Variants in CYRIB observed in about 807,000 individuals in gnomAD.
The protein encoded by CYRIB is CYFIP related Rac1 interactor B.
In CYRIB, 8 loss-of-function variants were observed where a neutral mutation model predicts 44.2. The observed-to-expected ratio is 0.18, with a 90% CI of 0.11 to 0.33. The LOEUF (loss-of-function observed/expected upper bound fraction) is 0.33. Among genes scored for constraint, CYRIB ranks in the 10% least tolerant of loss-of-function variants. CYRIB has a pLI of 1.00. For synonymous variants in CYRIB, 131 were observed against 127.2 expected (o/e 1.03, Z -0.20); for missense variants, 185 against 382.8 (o/e 0.48, Z 4.31).
At chr8:129,853,063 G>A (rs1467646203) in intron 7 of CYRIB, among the ~76,000 whole-genome samples, 1 of 152,136 alleles carries the variant, frequency 6.6e-6, no homozygotes, top group Non-Finnish European at 1.5e-5. Flanking sequence ...TGGGAATTAG[G>A]CTCTCTGTTG....
intron 3 of CYRIB, among the ~76,000 whole-genome samples, chr8:129,875,403 G>A (rs1370271188): frequency 6.6e-6 from 1 of 151,730 alleles, no homozygotes; most frequent in East Asian, 1.9e-4. Flanking sequence ...TACAGATAGA[G>A]TCTTGCCATG....
intron 2 of CYRIB, among the ~76,000 whole-genome samples, chr8:129,959,128 G>T (rs188370816): frequency 2.1e-3 from 303 of 144,780 alleles, no homozygotes; most frequent in Non-Finnish European, 3.5e-3. Flanking sequence ...GAAATGAAAA[G>T]CAGTAACTAC....
intron 2 of CYRIB, among the ~76,000 whole-genome samples, chr8:129,887,315 A>C (rs2063176661): frequency 6.6e-6 from 1 of 152,202 alleles, no homozygotes; most frequent in Non-Finnish European, 1.5e-5. Context: ...GATGGGTGTT[A>C]GGCCTGCAGG....
At chr8:129,929,122 G>C (rs760465925) in intron 1 of CYRIB, among the ~76,000 whole-genome samples, 3 of 152,142 alleles carry the variant, frequency 2.0e-5, no homozygotes, top group Non-Finnish European at 4.4e-5. Context: ...ACAAATTACT[G>C]ATACACTCAA....
chr8:129,933,650 G>C (rs1441464606), intron 1 of CYRIB, among the ~76,000 whole-genome samples: 1 of 152,110 alleles, frequency 6.6e-6, no homozygotes, highest in Admixed American at 6.5e-5. Context: ...GGCCGAGGCG[G>C]GCTGATCACT....
At chr8:129,963,554 C>A (rs1308208945) in intron 2 of CYRIB, among the ~76,000 whole-genome samples, 1 of 152,200 alleles carries the variant, frequency 6.6e-6, no homozygotes, top group Admixed American at 6.5e-5. Flanking sequence ...CCAGGAAGGC[C>A]TCACAGAGCA....
intron 1 of CYRIB, among the ~76,000 whole-genome samples, chr8:129,920,164 C>A (rs950666436): frequency 1.3e-5 from 2 of 150,852 alleles, no homozygotes; most frequent in Non-Finnish European, 3.0e-5. Flanking sequence ...ATGTAGTAAA[C>A]CTTTATCTTT....
chr8:129,920,705 T>C (rs2083101780), intron 1 of CYRIB, among the ~76,000 whole-genome samples: 1 of 152,182 alleles, frequency 6.6e-6, no homozygotes, highest in African/African-American at 2.4e-5. Context: ...CTGGATGTTT[T>C]ACCTTCTGCT....
intron 1 of CYRIB, among the ~76,000 whole-genome samples, chr8:129,984,468 C>T (rs1299627882): frequency 6.6e-6 from 1 of 152,062 alleles, no homozygotes; most frequent in Non-Finnish European, 1.5e-5. Context: ...GGAAAGAAGC[C>T]GGCTCAGAGA....
chr8:129,991,245 G>C (rs1240537414), intron 1 of CYRIB, among the ~76,000 whole-genome samples: 2 of 151,694 alleles, frequency 1.3e-5, no homozygotes, highest in African/African-American at 4.8e-5. Flanking sequence ...CCCTAACACA[G>C]TGCCTGCCTG....
chr8:129,841,926 C>T (rs768080103), exon 12 of CYRIB: 4 of 480,160 alleles, frequency 8.3e-6, no homozygotes, highest in African/African-American at 3.9e-5. Flanking sequence ...TTAGATGGCC[C>T]GTTTGAAAGG....
At position 129,927,197 on chromosome 8, in the gene CYRIB, C is replaced by A. The variant is rs191578922; in HGVS notation, c.-50+12411G>T. Among the ~76,000 whole-genome samples, 353 of 152,218 alleles carry A rather than the reference C, an allele frequency of 2.3e-3. 3 individuals are homozygous for A. Among genetic ancestry groups the A allele is most frequent in the African/African-American group, 8.0e-3 (334 of 41,528 alleles). ...ATCCCAGCTACTTGGGAGGCTGAGG[C>A]AGGAGAATCGCTTGAACCCAGGAGG... On this transcript the variant is annotated intron_variant, in intron 1 of 11. Coordinates refer to ENST00000519824, the Ensembl canonical transcript of CYRIB.
intron 5 of CYRIB, among the ~76,000 whole-genome samples, chr8:129,859,264 T>G (rs765682191): frequency 2.0e-5 from 3 of 152,178 alleles, no homozygotes; most frequent in Non-Finnish European, 2.9e-5. Context: ...TATCAGGGAC[T>G]TTTAGTACTT....
chr8:129,973,348 G>A (rs2095791061), intron 1 of CYRIB, among the ~76,000 whole-genome samples: 1 of 152,232 alleles, frequency 6.6e-6, no homozygotes. Flanking sequence ...GCAAAGGCTG[G>A]CAAGTTAGAC....
At chr8:129,847,054 T>C (rs1051268780) in intron 10 of CYRIB, 180 bp from the exon 13 acceptor site, 6 of 488,208 alleles carry the variant, frequency 1.2e-5, no homozygotes, top group Admixed American at 4.1e-5. Flanking sequence ...TCTCACTTAG[T>C]GAAAACAAAA....
chr8:130,010,636 C>G (rs2097194706), intron 1 of CYRIB, among the ~76,000 whole-genome samples: 3 of 152,220 alleles, frequency 2.0e-5, no homozygotes, highest in Admixed American at 2.0e-4. Context: ...TCTCCCACCC[C>G]TTCCTGCTCC....
At chr8:129,862,527 G>A (rs1005786014) in intron 4 of CYRIB, among the ~76,000 whole-genome samples, 193 bp from the exon 7 acceptor site, 10 of 152,156 alleles carry the variant, frequency 6.6e-5, no homozygotes, top group African/African-American at 2.4e-4. Flanking sequence ...CTGAAGTGCA[G>A]TGGCGTGATC....
chr8:129,884,923 C>T (rs1376490648), intron 2 of CYRIB, among the ~76,000 whole-genome samples: 1 of 152,168 alleles, frequency 6.6e-6, no homozygotes, highest in African/African-American at 2.4e-5. Flanking sequence ...TGGAAAGGAA[C>T]ACGCCCTTCC....
At chr8:129,926,283 T>C (rs1189143745) in intron 1 of CYRIB, among the ~76,000 whole-genome samples, 2 of 152,240 alleles carry the variant, frequency 1.3e-5, no homozygotes, top group African/African-American at 4.8e-5. Flanking sequence ...TTTAAAACCT[T>C]GTACAATAAC....
Sources: allele counts gnomAD v4.1 joint callset (sites outside exome capture counted in the v4.1 genomes callset), GRCh38; gene constraint gnomAD v4.1.1; transcripts MANE v1.5; gene names NCBI Gene and HGNC (gene_info 2026-07-23, HGNC 2026-07-21).